Variants in CNTN5 observed in about 807,000 individuals in gnomAD.
The protein encoded by CNTN5 is contactin-5.
In CNTN5, 77 loss-of-function variants were observed where a neutral mutation model predicts 129.1. The ratio of observed to expected loss-of-function variants is 0.60; its 90% CI spans 0.50 to 0.72. The LOEUF is 0.72. Among genes scored for constraint, CNTN5 ranks in the 30% least tolerant of loss-of-function variants. The pLI is 0.00. For missense variants in CNTN5, 1,478 were observed against 1,328.8 expected (o/e 1.11, Z -1.75); for synonymous variants, 509 against 465.6 (o/e 1.09, Z -1.20).
intron 2 of CNTN5, among the ~76,000 whole-genome samples, chr11:99,451,967 C>T (rs2726399): frequency 0.49 from 74,830 of 151,802 alleles, 19,060 homozygotes; most frequent in East Asian, 0.65. Context: ...TTTATTTGTT[C>T]GCAGAAATTG....
intron 2 of CNTN5, among the ~76,000 whole-genome samples, chr11:99,357,760 AG>A (rs1196962362): frequency 3.3e-5 from 5 of 152,020 alleles, no homozygotes; most frequent in Non-Finnish European, 7.4e-5. Flanking sequence ...TTTACAAATT[AG>A]GTATAGAAAA....
chr11:99,307,678 A>G (rs1303944765), intron 1 of CNTN5, among the ~76,000 whole-genome samples: 4 of 152,084 alleles, frequency 2.6e-5, no homozygotes, highest in Non-Finnish European at 4.4e-5. Flanking sequence ...TATTTTTTCT[A>G]ATATTGATCT....
At chr11:100,009,213 G>C (rs1333985850) in intron 9 of CNTN5, among the ~76,000 whole-genome samples, 1 of 152,080 alleles carries the variant, frequency 6.6e-6, no homozygotes, top group African/African-American at 2.4e-5. Flanking sequence ...CGAAAATTCA[G>C]ATGTTTTCTC....
chr11:99,439,568 C>T (rs1471151848), intron 2 of CNTN5, among the ~76,000 whole-genome samples: 7 of 151,584 alleles, frequency 4.6e-5, no homozygotes, highest in African/African-American at 9.7e-5. Flanking sequence ...ATTAGCCTGG[C>T]GTGGTGGTGT....
At chr11:99,869,195 TAA>T (rs1948436120) in intron 6 of CNTN5, among the ~76,000 whole-genome samples, 1 of 152,210 alleles carries the variant, frequency 6.6e-6, no homozygotes, top group African/African-American at 2.4e-5. Context: ...TGAATGTTTA[TAA>T]AGTGTTCTCA....
chr11:99,142,604 G>GC (rs1859577088), intron 1 of CNTN5, among the ~76,000 whole-genome samples: 1 of 152,088 alleles, frequency 6.6e-6, no homozygotes, highest in Non-Finnish European at 1.5e-5. Context: ...AGAACACACT[G>GC]CCCCCATCCC....
At chr11:99,228,330 C>T (rs78660229) in intron 1 of CNTN5, among the ~76,000 whole-genome samples, 4 of 152,090 alleles carry the variant, frequency 2.6e-5, no homozygotes, top group African/African-American at 9.6e-5. Flanking sequence ...GGCTGGCAAG[C>T]GTCTGTGTGA....
At chr11:99,241,318 G>GTTTTTTTTTTTTTTTTTTTTTTTTTTTTT (rs10648459) in intron 1 of CNTN5, among the ~76,000 whole-genome samples, 5 of 88,044 alleles carry the variant, frequency 5.7e-5, no homozygotes, top group African/African-American at 8.7e-5. Context: ...TTGATTGTTG[G>GTTTTTTTTTTTTTTTTTTTTTTTTTTTTT]TTTTTTTTTT....
intron 1 of CNTN5, among the ~76,000 whole-genome samples, chr11:99,257,538 T>G (rs891143536): frequency 5.9e-5 from 9 of 152,132 alleles, no homozygotes; most frequent in Non-Finnish European, 7.3e-5. Context: ...TTGTGGATAT[T>G]CATTGATTTT....
intron 1 of CNTN5, among the ~76,000 whole-genome samples, chr11:99,102,326 C>T (rs1336044078): frequency 6.6e-6 from 1 of 152,182 alleles, no homozygotes; most frequent in Non-Finnish European, 1.5e-5. Flanking sequence ...TGGCAATTAA[C>T]ATTTGGCACC....
chr11:100,252,226 T>G (rs746325597), intron 16 of CNTN5, among the ~76,000 whole-genome samples: 13 of 152,298 alleles, frequency 8.5e-5, no homozygotes, highest in Admixed American at 6.5e-5. Context: ...TTTTGATAAA[T>G]GTCTTTTCAG....
intron 7 of CNTN5, among the ~76,000 whole-genome samples, chr11:99,929,647 A>C (rs1471492830): frequency 6.6e-6 from 1 of 152,188 alleles, no homozygotes; most frequent in South Asian, 2.1e-4. Flanking sequence ...TAAAACCATC[A>C]GATCTTGTGA....
chr11:99,723,766 G>A (rs1329531243), intron 3 of CNTN5, among the ~76,000 whole-genome samples: 1 of 143,564 alleles, frequency 7.0e-6, no homozygotes, highest in Non-Finnish European at 1.6e-5. Flanking sequence ...GTGTGTATGT[G>A]TGTGTGCATG....
intron 1 of CNTN5, among the ~76,000 whole-genome samples, chr11:99,316,731 C>CAAA (rs559211939): frequency 9.4e-5 from 12 of 128,220 alleles, no homozygotes; most frequent in African/African-American, 3.1e-4. Flanking sequence ...TGAACTGAGT[C>CAAA]AAAAAAAAAA....
At chr11:99,725,737 G>A (rs1371105078) in intron 3 of CNTN5, among the ~76,000 whole-genome samples, 2 of 152,148 alleles carry the variant, frequency 1.3e-5, no homozygotes, top group Non-Finnish European at 2.9e-5. Flanking sequence ...AGGCTCTGCT[G>A]TTGAACATTT....
At chr11:99,297,931 C>T (rs1864459137) in intron 1 of CNTN5, among the ~76,000 whole-genome samples, 1 of 152,104 alleles carries the variant, frequency 6.6e-6, no homozygotes, top group African/African-American at 2.4e-5. Flanking sequence ...CAAATCCATT[C>T]CTGGACCCAG....
At chr11:99,602,742 T>G (rs1950353882) in intron 3 of CNTN5, among the ~76,000 whole-genome samples, 1 of 150,886 alleles carries the variant, frequency 6.6e-6, no homozygotes, top group Admixed American at 6.6e-5. Context: ...AGCACGCAGC[T>G]GGAGATCTGA....
chr11:99,138,198 A>C (rs1859330969), intron 1 of CNTN5, among the ~76,000 whole-genome samples: 1 of 152,190 alleles, frequency 6.6e-6, no homozygotes, highest in African/African-American at 2.4e-5. Flanking sequence ...CACATACCAC[A>C]ATCCAACATG....
At chr11:99,359,644 C>T (rs557600141) in intron 2 of CNTN5, among the ~76,000 whole-genome samples, 17 of 150,490 alleles carry the variant, frequency 1.1e-4, no homozygotes, top group South Asian at 8.4e-4. Flanking sequence ...TATATTTATT[C>T]CACCCTGTTA....
Sources: allele counts gnomAD v4.1 joint callset (sites outside exome capture counted in the v4.1 genomes callset), GRCh38; gene constraint gnomAD v4.1.1; transcripts MANE v1.5; gene names NCBI Gene and HGNC (gene_info 2026-07-23, HGNC 2026-07-21).